STEAP2: variants seen among roughly 807,000 people sequenced by gnomAD.
STEAP2 encodes the protein STEAP2 metalloreductase, also known as metalloreductase STEAP2.
Under a neutral mutation model 46.4 loss-of-function variants are expected in STEAP2, and 30 were observed. The ratio of observed to expected loss-of-function variants is 0.65; its 90% CI spans 0.48 to 0.88. STEAP2 has a LOEUF of 0.88. Ranked by LOEUF, STEAP2 falls within the 40% of genes least tolerant of loss-of-function variation. STEAP2 has a pLI of 0.00. For synonymous variants in STEAP2, 180 were observed against 200.5 expected, an observed-to-expected ratio of 0.90 and a Z score of 0.86; for missense variants, 513 against 579.3, an observed-to-expected ratio of 0.89 and a Z score of 1.18.
At position 90,227,278 on chromosome 7, in the gene STEAP2, T is replaced by C; in HGVS notation, c.800T>C (p.Leu267Pro). 1 of 1,613,922 alleles carries C rather than the reference T, an allele frequency of 6.2e-7. No individual in the cohort carries two copies. The highest frequency in any genetic ancestry group is 8.5e-7 in the Non-Finnish European group (1 of 1,179,848). The change falls in exon 4 of 6, where the codon CTC (leucine) becomes CCC (proline). Residue 267 changes from leucine to proline, a missense_variant. Coordinates refer to ENST00000394621, the MANE Select transcript of STEAP2 (RefSeq NM_001244944.2). ...KTLPIVAITLLSLVYLAGLLA... is the reference protein window; with the variant it reads ...KTLPIVAITLPSLVYLAGLLA... ...TTACCTATAGTTGCCATTACTTTGC[T>C]CTCCCTAGTATACCTCGCAGGTCTT...
chr7:90,236,705 A>C lies in STEAP2; in HGVS notation c.*4081A>C. 1 of 1,397,842 alleles carries C rather than the reference A, an allele frequency of 7.2e-7. No individual in the cohort carries two copies. Among genetic ancestry groups the C allele is most frequent in the Non-Finnish European group, 9.3e-7 (1 of 1,081,042 alleles). 86.6% of individuals were successfully genotyped at this position (1,397,842 alleles called of 1,614,324 possible). On this transcript the variant is annotated 3_prime_UTR_variant, in exon 6 of 6. Coordinates refer to ENST00000394621, the MANE Select transcript of STEAP2 (RefSeq NM_001244944.2). The stretch of plus-strand genomic sequence containing the variant: ...TAAAAAATGTTTTGTTCAGCCTAAC[A>C]TACTGAGTTTTTTTTAACTTTCTAA...
chr7:90,235,918 G>A lies in STEAP2; in HGVS notation c.*3294G>A. The A allele has an allele frequency of 1.0e-6, 1 of 979,944 alleles. No individual in the cohort carries two copies. The highest frequency in any genetic ancestry group is 1.2e-6 in the Non-Finnish European group (1 of 825,006). The allele number at this position is 979,944 out of a possible 1,614,324, so 60.7% of individuals were successfully genotyped here. ...GTGCTACATACAGGTTGGCTAATGA[G>A]CTCTAGTGTTAAACTACCTGATTAA... On this transcript the variant is annotated 3_prime_UTR_variant, in exon 6 of 6. Transcript: ENST00000394621.
intron 2 of STEAP2, among the ~76,000 whole-genome samples, chr7:90,221,740 T>G (rs1483787463): frequency 6.6e-6 from 1 of 152,174 alleles, no homozygotes; most frequent in Non-Finnish European, 1.5e-5. Flanking sequence ...ATAGTCATAT[T>G]GTCAAAAGTA....
At chr7:90,215,063 G>A (rs1794963835) in intron 1 of STEAP2, among the ~76,000 whole-genome samples, 1 of 152,220 alleles carries the variant, frequency 6.6e-6, no homozygotes. Context: ...AGTGAGGACA[G>A]CAGTAAGGAC....
downstream of STEAP2, chr7:90,237,950 A>G (rs10263671): frequency 3.9e-3 from 2,477 of 634,078 alleles, 54 homozygotes; most frequent in African/African-American, 0.039. Flanking sequence ...CCCAGTATCT[A>G]GTATAATGTG....
intron 3 of STEAP2, 68 bp from the exon 4 acceptor site, chr7:90,226,903 G>C: frequency 6.8e-7 from 1 of 1,465,594 alleles, no homozygotes; most frequent in Non-Finnish European, 9.2e-7. Flanking sequence ...TCCGTAAGTG[G>C]AGCATGCGAT....
intron 4 of STEAP2, 36 bp downstream of exon 4, chr7:90,227,534 A>G: frequency 6.8e-7 from 1 of 1,478,282 alleles, no homozygotes; most frequent in Non-Finnish European, 9.0e-7. Context: ...TGATGCTAGT[A>G]AAATACTTTT....
At position 90,229,918 on chromosome 7, in the gene STEAP2, G is replaced by T. The variant is rs1795668120; in HGVS notation, c.1067G>T (p.Arg356Ile). 6.2e-7 allele frequency: 1 copy of T among 1,613,342 alleles called. No homozygotes were observed. The highest frequency in any genetic ancestry group is 1.7e-5 in the Admixed American group (1 of 59,976). ...TCTTGGAATGAGGAAGAAGTTTGGA[G>T]AATTGAAATGTATATCTCCTTTGGC... ...ENSWNEEEVW[R>I]IEMYISFGIM... Residue 356 changes from arginine to isoleucine, a missense_variant, in exon 5 of 6, where the codon AGA becomes ATA. By Grantham distance (97) the Arg-to-Ile change is moderately conservative. Transcript: ENST00000394621.
chr7:90,226,352 C>T (rs116340718), intron 3 of STEAP2, among the ~76,000 whole-genome samples: 3 of 151,586 alleles, frequency 2.0e-5, no homozygotes, highest in Non-Finnish European at 2.9e-5. Context: ...CTTATTATAC[C>T]GTATTATAAT....
chr7:90,242,407 T>C (rs938215256), downstream of STEAP2, among the ~76,000 whole-genome samples: 16 of 152,188 alleles, frequency 1.1e-4, no homozygotes, highest in African/African-American at 3.9e-4. Flanking sequence ...CAGCCTGTGC[T>C]GTTAAAATAC....
At position 90,226,014 on chromosome 7, in the gene STEAP2, T is replaced by C. The variant is rs1158170862; in HGVS notation, c.492+440T>C. On this transcript the variant is annotated intron_variant, in intron 3 of 5. Coordinates refer to ENST00000394621, the MANE Select transcript of STEAP2 (RefSeq NM_001244944.2). ...CAGTATTATATCATTGTATGCTGTA[T>C]ATCAGTCATGATAACCATTTACTTT... Among the ~76,000 whole-genome samples, 5 of 152,234 alleles carry C rather than the reference T, an allele frequency of 3.3e-5. No homozygotes were observed. In the East Asian group the frequency reaches 9.6e-4, roughly 29 times the overall value.
At chr7:90,230,277 CAAA>C (rs1324140187) in intron 5 of STEAP2, among the ~76,000 whole-genome samples, 2 of 148,178 alleles carry the variant, frequency 1.3e-5, no homozygotes, top group Non-Finnish European at 3.0e-5. Context: ...ATGTTAAGAA[CAAA>C]AAAGTTATCT....
chr7:90,214,744 G>A (rs565768010), intron 1 of STEAP2, among the ~76,000 whole-genome samples: 6 of 152,250 alleles, frequency 3.9e-5, no homozygotes, highest in Middle Eastern at 3.4e-3. Flanking sequence ...AGAGGTCAAC[G>A]GATCAGATTT....
chr7:90,225,920 T>C (rs1795470637), intron 3 of STEAP2, among the ~76,000 whole-genome samples: 2 of 152,224 alleles, frequency 1.3e-5, no homozygotes, highest in Non-Finnish European at 2.9e-5. Flanking sequence ...CAATTAAGCA[T>C]GATTATAAAA....
Position 90,233,335 on chromosome 7 carries a change from A to G in STEAP2, c.*711A>G. The stretch of plus-strand genomic sequence containing the variant: ...AGAGCAGTTTCATTTTCATATTAAT[A>G]TACTGATCAGGAAGAGGATTCAGTA... On this transcript the variant is annotated 3_prime_UTR_variant, in exon 6 of 6. Transcript: ENST00000394621. 5.1e-6 allele frequency: 5 copies of G among 983,596 alleles called. No homozygotes were observed. Among genetic ancestry groups the G allele is most frequent in the Non-Finnish European group, 6.0e-6 (5 of 828,298 alleles). The allele number at this position is 983,596 out of a possible 1,614,324, so 60.9% of individuals were successfully genotyped here.
rs1467969096 is a variant in STEAP2, at chr7:90,235,808, CATATAAGGTTTTT to C, written c.*3187_*3199del. On this transcript the variant is annotated 3_prime_UTR_variant, in exon 6 of 6. Coordinates refer to ENST00000394621, the MANE Select transcript of STEAP2 (RefSeq NM_001244944.2). Reference sequence around the variant, plus strand: ...ATGGAAATTTAGCCCAGATTGTCTACATATAAGGTTTTTATTTGAATTGTAAAATATTTAAAAG... The same window carrying C: ...ATGGAAATTTAGCCCAGATTGTCTACATTTGAATTGTAAAATATTTAAAAG... 6 of 749,636 alleles carry C rather than the reference CATATAAGGTTTTT, an allele frequency of 8.0e-6. No homozygotes were observed. Among genetic ancestry groups the C allele is most frequent in the Non-Finnish European group, 9.8e-6 (6 of 615,334 alleles). The allele number at this position is 749,636 out of a possible 1,614,324, so 46.4% of individuals were successfully genotyped here. A position where few individuals can be genotyped will look rare whatever the true frequency, so the allele number is the denominator to read the frequency against.
chr7:90,241,171 T>TACAC (rs66565009), downstream of STEAP2, among the ~76,000 whole-genome samples: 2,768 of 150,084 alleles, frequency 0.018, 59 homozygotes, highest in African/African-American at 0.049. Context: ...CACATAAACA[T>TACAC]ACACACACAC....
intron 2 of STEAP2, among the ~76,000 whole-genome samples, chr7:90,224,539 G>T (rs1329926582): frequency 6.6e-6 from 1 of 152,172 alleles, no homozygotes; most frequent in Non-Finnish European, 1.5e-5. Flanking sequence ...TTCAATAAAC[G>T]TTGCTGTTTA....
chr7:90,225,062 G>A lies in STEAP2; in HGVS notation c.-21G>A. ...TTCTCTCCCCTAGGATATTCTTGGT[G>A]ATCTTGGAAGTGTCCGTATCATGGA... On this transcript the variant is annotated 5_prime_UTR_variant, in exon 3 of 6. The change abolishes the stop of an existing upstream ORF in the 5' untranslated region. Transcript: ENST00000394621. 6.2e-7 allele frequency: 1 copy of A among 1,602,454 alleles called. No individual in the cohort carries two copies. The highest frequency in any genetic ancestry group is 8.5e-7 in the Non-Finnish European group (1 of 1,174,620).
Sources: gnomAD v4.1 joint callset for allele counts (sites outside exome capture counted in the v4.1 genomes callset) on GRCh38, gnomAD v4.1.1 for gene constraint, MANE v1.5 for transcripts, NCBI Gene and HGNC (gene_info 2026-07-23, HGNC 2026-07-21) for gene names.